The following ARRDC1 variants were observed in gnomAD, a reference collection of about 807,000 sequenced individuals.
ARRDC1 encodes the protein arrestin domain containing 1.
ARRDC1 carries 37 observed loss-of-function variants against 40.1 expected under a neutral mutation model. The ratio of observed to expected loss-of-function variants is 0.92; its 90% CI spans 0.71 to 1.21. The LOEUF is 1.21. Among genes scored for constraint, ARRDC1 ranks in the 50% most tolerant of loss-of-function variants. ARRDC1 has a pLI of 0.00. For synonymous variants in ARRDC1, 310 were observed against 262.5 expected, an observed-to-expected ratio of 1.18 and a Z score of -1.75; for missense variants, 641 against 581.9, an observed-to-expected ratio of 1.10 and a Z score of -1.04.
chr9:137,614,682 G>A lies in ARRDC1; in HGVS notation c.919G>A (p.Val307Met). 6.2e-7 allele frequency: 1 copy of A among 1,612,124 alleles called. No homozygotes were observed. Among genetic ancestry groups the A allele is most frequent in the Non-Finnish European group, 8.5e-7 (1 of 1,179,734 alleles). ...GCTGCCTCCTGGGGCCCCACCCCTG[G>A]TGGTGCCTTCCGCACCACCCCAGGA... Reference protein sequence around the residue: ...LGLPPGAPPLVVPSAPPQEEA... With the variant: ...LGLPPGAPPLMVPSAPPQEEA... Residue 307 changes from valine to methionine, a missense_variant, in exon 7 of 8, where the codon GTG becomes ATG. Val to Met is a conservative substitution (Grantham distance 21, BLOSUM62 1). Transcript: ENST00000371421.
chr9:137,613,417 C>T (rs1238091794), intron 2 of ARRDC1, 43 bp from the exon 3 acceptor site: 1 of 1,596,864 alleles, frequency 6.3e-7, no homozygotes. Context: ...CCTCAGGCCA[C>T]CTCAGGGGGG....
rs756466968 is a variant in ARRDC1 at position 137,615,177 on chromosome 9, C to G, written c.*39C>G. 6 of 1,494,660 alleles carry G rather than the reference C, an allele frequency of 4.0e-6. No individual in the cohort carries two copies. Among genetic ancestry groups the G allele is most frequent in the Non-Finnish European group, 5.3e-6 (6 of 1,123,856 alleles). 92.6% of individuals were successfully genotyped at this position (1,494,660 alleles called of 1,614,324 possible). On this transcript the variant is annotated 3_prime_UTR_variant, in exon 8 of 8. Transcript: ENST00000371421. ...TCTCCAGGCAGGCCTGGCCTCTGCC[C>G]TGGGACTGGGGCGCCCAGGGCCTCG...
In ARRDC1 at chr9:137,609,480, C is replaced by T. The variant is rs573588742; in HGVS notation, c.119-3416C>T. ...AACTCCGAACCTCAGGTGATCCGCC[C>T]GCCTCAGCCTCTTAAAGTGCTGGGA... On this transcript the variant is annotated intron_variant, in intron 1 of 7. Transcript: ENST00000371421. 2.6e-3 allele frequency among the ~76,000 whole-genome samples: 393 copies of T among 152,184 alleles called. 1 individual carries two copies. The highest frequency in any genetic ancestry group is 8.5e-3 in the African/African-American group (351 of 41,494).
chr9:137,610,361 C>T (rs1000846912), intron 1 of ARRDC1, among the ~76,000 whole-genome samples: 1 of 152,072 alleles, frequency 6.6e-6, no homozygotes, highest in Admixed American at 6.6e-5. Flanking sequence ...GACCACTGCC[C>T]CCTTTCCGGC....
chr9:137,614,275 G>A (rs778662764), intron 5 of ARRDC1, 24 bp from the exon 6 acceptor site: 9 of 1,579,828 alleles, frequency 5.7e-6, no homozygotes, highest in Non-Finnish European at 7.8e-6. Context: ...GCCTGCGCAG[G>A]CTCACAGGCT....
At position 137,612,896 on chromosome 9, in the gene ARRDC1, CCAT is replaced by C; in HGVS notation, c.121_123del (p.Ile41del). 1 of 1,612,280 alleles carries C rather than the reference CCAT, an allele frequency of 6.2e-7. No individual in the cohort carries two copies. The highest frequency in any genetic ancestry group is 2.2e-5 in the East Asian group (1 of 44,878). On this transcript the variant is annotated inframe_deletion and splice_region_variant, in exon 2 of 8. Coordinates refer to ENST00000371421, the MANE Select transcript of ARRDC1 (RefSeq NM_152285.4). The stretch of plus-strand genomic sequence containing the variant: ...GCTCATGCAGCCATCCCCTTTGCAG[CCAT>C]CCGGGTGACCTGCATAGGTTCCTGC...
rs899632851 is a variant in ARRDC1, at chr9:137,613,467, GC to G, written c.240del (p.Ala81LeufsTer31). ...SLSLADKGSLPAGEHSFPFQF... is the reference protein window; with the variant it reads ...SLSLADKGSLXAGEHSFPFQF... ...TCCCTCCTGTCTCTGCAGGGAGCCT[GC>G]CCGCTGGAGAGCACAGCTTCCCCTT... On this transcript the variant is annotated frameshift_variant, in exon 3 of 8. Coordinates refer to ENST00000371421, the MANE Select transcript of ARRDC1 (RefSeq NM_152285.4). LOFTEE classifies it high-confidence loss of function. 4 of 1,612,016 alleles carry G rather than the reference GC, an allele frequency of 2.5e-6. No homozygotes were observed. The highest frequency in any genetic ancestry group is 2.7e-5 in the African/African-American group (2 of 74,918).
chr9:137,606,884 C>T (rs1842433168), intron 1 of ARRDC1, among the ~76,000 whole-genome samples: 1 of 152,214 alleles, frequency 6.6e-6, no homozygotes, highest in Non-Finnish European at 1.5e-5. Flanking sequence ...CTGTGCAGGA[C>T]CCTGTCGTCC....
chr9:137,614,556 C>T lies in ARRDC1; in HGVS notation c.796-3C>T, dbSNP rs1319640192. The T allele has an allele frequency of 6.2e-7, 1 of 1,613,076 alleles. No homozygotes were observed. The highest frequency in any genetic ancestry group is 2.2e-5 in the East Asian group (1 of 44,866). ...CCTCATGCCCCACCTCAATCCTGTCCAGGTCTCTCTGAAGGCGCCGGAAGC... is the reference window on the plus strand; with the variant it reads ...CCTCATGCCCCACCTCAATCCTGTCTAGGTCTCTCTGAAGGCGCCGGAAGC... On this transcript the variant is annotated splice_polypyrimidine_tract_variant and splice_region_variant and intron_variant, in intron 6 of 7. Coordinates refer to ENST00000371421, the MANE Select transcript of ARRDC1 (RefSeq NM_152285.4).
At chr9:137,612,848 G>T (rs759564823) in intron 1 of ARRDC1, 48 bp from the exon 2 acceptor site, 2 of 1,471,512 alleles carry the variant, frequency 1.4e-6, no homozygotes, top group East Asian at 2.3e-5. Flanking sequence ...GCAAGCAGGG[G>T]CCTGGGCCGT....
Position 137,614,850 on chromosome 9 carries a change from G to T in ARRDC1, c.1087G>T (p.Gly363Cys), listed in dbSNP as rs35018943. The change falls in exon 7 of 8, where the codon GGC becomes TGC. Residue 363 changes from glycine (G) to cysteine (C), a missense_variant. Physicochemically the swap from Gly to Cys is radical, Grantham distance 159 (BLOSUM62 -3). Coordinates refer to ENST00000371421, the MANE Select transcript of ARRDC1 (RefSeq NM_152285.4). The stretch of plus-strand genomic sequence containing the variant: ...TGCGCCGGAGCCCTGCCCTCAGGAT[G>T]GCAGCCCTGCCTCACACCCGCTGCA... ...PGAPEPCPQD[G>C]SPASHPLHPP... 156,318 of 1,613,416 alleles carry T rather than the reference G, an allele frequency of 0.097. 8,427 individuals are homozygous for T. Among genetic ancestry groups the T allele is most frequent in the Middle Eastern group, 0.18 (1,087 of 6,058 alleles).
chr9:137,610,736 T>C (rs1440994552), intron 1 of ARRDC1, among the ~76,000 whole-genome samples: 1 of 152,216 alleles, frequency 6.6e-6, no homozygotes, highest in South Asian at 2.1e-4. Context: ...GCTAATTTCG[T>C]ATTTCTAGTA....
Position 137,615,016 on chromosome 9 carries a change from G to A in ARRDC1, c.1237+16G>A, listed in dbSNP as rs750019684. On this transcript the variant is annotated intron_variant, in intron 7 of 7. Coordinates refer to ENST00000371421, the MANE Select transcript of ARRDC1 (RefSeq NM_152285.4). ...TACCCCTATGGTGAGTCGACAGCCA[G>A]GGCTTGGCAGGGAGGGGACGCCAAG... 7 of 1,612,664 alleles carry A rather than the reference G, an allele frequency of 4.3e-6. No homozygotes were observed. The highest frequency in any genetic ancestry group is 5.1e-6 in the Non-Finnish European group (6 of 1,179,308).
intron 1 of ARRDC1, chr9:137,612,417 G>A (rs1011590116): frequency 2.8e-5 from 5 of 181,736 alleles, no homozygotes; most frequent in African/African-American, 4.8e-5. Flanking sequence ...CTGCCTAGGC[G>A]GGTCTGGCCA....
chr9:137,606,527 C>T (rs1842426522), intron 1 of ARRDC1, among the ~76,000 whole-genome samples: 1 of 152,218 alleles, frequency 6.6e-6, no homozygotes, highest in Admixed American at 6.5e-5. Flanking sequence ...GGACCTTGAC[C>T]GCTGGGCCCG....
Position 137,615,253 on chromosome 9 carries a change from G to A in ARRDC1, c.*115G>A, listed in dbSNP as rs553044554. ...CCCACTCAGGACCTGCCCAGCCTCT[G>A]CCAGCTCCTCTGGCATCCGCCCTCT... On this transcript the variant is annotated 3_prime_UTR_variant, in exon 8 of 8. Coordinates refer to ENST00000371421, the MANE Select transcript of ARRDC1 (RefSeq NM_152285.4). 7.9e-5 allele frequency: 81 copies of A among 1,025,508 alleles called. No individual in the cohort carries two copies. In the African/African-American group the frequency reaches 1.1e-3, roughly 14 times the overall value. The allele number at this position is 1,025,508 out of a possible 1,614,324, so 63.5% of individuals were successfully genotyped here.
At chr9:137,606,082 G>T (rs895410245) in intron 1 of ARRDC1, among the ~76,000 whole-genome samples, 10 of 151,832 alleles carry the variant, frequency 6.6e-5, no homozygotes, top group Non-Finnish European at 1.2e-4. Flanking sequence ...CGGGTCCACT[G>T]TGGAGGACGC....
chr9:137,614,549 TC>T lies in ARRDC1; in HGVS notation c.796-8del. On this transcript the variant is annotated splice_polypyrimidine_tract_variant and intron_variant, in intron 6 of 7. Coordinates refer to ENST00000371421, the MANE Select transcript of ARRDC1 (RefSeq NM_152285.4). ...CCTGGCCCCTCATGCCCCACCTCAATCCTGTCCAGGTCTCTCTGAAGGCGCC... is the reference window on the plus strand; with the variant it reads ...CCTGGCCCCTCATGCCCCACCTCAATCTGTCCAGGTCTCTCTGAAGGCGCC... The T allele has an allele frequency of 6.2e-7, 1 of 1,613,030 alleles. No individual in the cohort carries two copies. The highest frequency in any genetic ancestry group is 1.1e-5 in the South Asian group (1 of 91,084).
At chr9:137,607,447 A>C (rs955333914) in intron 1 of ARRDC1, among the ~76,000 whole-genome samples, 12 of 152,158 alleles carry the variant, frequency 7.9e-5, no homozygotes, top group African/African-American at 2.9e-4. Context: ...CGGCTGTCTA[A>C]AGGGCTGACG....
Sources: gnomAD v4.1 joint callset for allele counts (sites outside exome capture counted in the v4.1 genomes callset) on GRCh38, gnomAD v4.1.1 for gene constraint, MANE v1.5 for transcripts, NCBI Gene and HGNC (gene_info 2026-07-23, HGNC 2026-07-21) for gene names.